ALDH2: variants seen among roughly 807,000 people sequenced by gnomAD.
ALDH2 encodes aldehyde dehydrogenase 2 family member, also known as aldehyde dehydrogenase, mitochondrial.
A neutral mutation model predicts 59.6 loss-of-function variants in ALDH2; 44 were observed. The observed-to-expected ratio is 0.74, with a 90% CI of 0.58 to 0.95. ALDH2 has a LOEUF of 0.95. Ranked by LOEUF, ALDH2 falls within the 40% of genes least tolerant of loss-of-function variation. ALDH2 has a pLI of 0.00. For missense variants in ALDH2, 570 were observed against 696.3 expected, an observed-to-expected ratio of 0.82 and a Z score of 2.04; for synonymous variants, 291 against 284.0, an observed-to-expected ratio of 1.02 and a Z score of -0.25.
rs75822349 is a variant in ALDH2 at position 111,792,211 on chromosome 12, A to G, written c.898+48A>G. 4,541 of 1,415,084 alleles carry G rather than the reference A, an allele frequency of 3.2e-3. 130 individuals are homozygous for G. In the African/African-American group the frequency reaches 0.057, roughly 18 times the overall value. The allele number at this position is 1,415,084 out of a possible 1,614,324, so 87.7% of individuals were successfully genotyped here. A position where few individuals can be genotyped will look rare whatever the true frequency, so the allele number is the denominator to read the frequency against. On this transcript the variant is annotated intron_variant, in intron 8 of 12. Transcript: ENST00000261733. ...CCTGGCCTTGAAGGTAGCCCTGGCCACCTGTGTTGTGGCTCCAGCCGATCC... is the reference window on the plus strand; with the variant it reads ...CCTGGCCTTGAAGGTAGCCCTGGCCGCCTGTGTTGTGGCTCCAGCCGATCC...
chr12:111,804,548 G>C (rs991288669), intron 12 of ALDH2, among the ~76,000 whole-genome samples: 3 of 152,164 alleles, frequency 2.0e-5, no homozygotes, highest in African/African-American at 4.8e-5. Context: ...AGGAGTTTGA[G>C]ACCAGCCTGA....
intron 1 of ALDH2, among the ~76,000 whole-genome samples, chr12:111,780,688 T>C (rs761826544): frequency 6.6e-6 from 1 of 152,206 alleles, no homozygotes; most frequent in Non-Finnish European, 1.5e-5. Context: ...TGAGGTGGTC[T>C]TCTGTGTTTG....
intron 12 of ALDH2, among the ~76,000 whole-genome samples, chr12:111,804,746 CAA>C (rs76471972): frequency 9.7e-5 from 6 of 61,572 alleles, no homozygotes; most frequent in Non-Finnish European, 1.7e-4. Flanking sequence ...GACTCCGTCT[CAA>C]AAAAAAAAAA....
intron 4 of ALDH2, 47 bp downstream of exon 4, chr12:111,785,393 G>T (rs538464024): frequency 6.5e-7 from 1 of 1,530,432 alleles, no homozygotes; most frequent in Admixed American, 1.7e-5. Context: ...GGGAAAAGGG[G>T]AGGCAACGTT....
intron 1 of ALDH2, among the ~76,000 whole-genome samples, chr12:111,771,359 T>C (rs1209646971): frequency 6.6e-6 from 1 of 152,118 alleles, no homozygotes; most frequent in African/African-American, 2.4e-5. Flanking sequence ...ATCTTGCCAC[T>C]GCACTCCATC....
Position 111,799,889 on chromosome 12 carries a change from C to T in ALDH2, c.1249-17C>T. ...CTCCGTGTTGCCGAACCCTCCTACGCTGCTCTCTCACTCCAGATCTTCGGG... is the reference window on the plus strand; with the variant it reads ...CTCCGTGTTGCCGAACCCTCCTACGTTGCTCTCTCACTCCAGATCTTCGGG... On this transcript the variant is annotated splice_polypyrimidine_tract_variant and intron_variant, in intron 10 of 12. Coordinates refer to ENST00000261733, the MANE Select transcript of ALDH2 (RefSeq NM_000690.4). 6.2e-7 allele frequency: 1 copy of T among 1,610,824 alleles called. No individual in the cohort carries two copies. The highest frequency in any genetic ancestry group is 8.5e-7 in the Non-Finnish European group (1 of 1,178,244).
chr12:111,781,965 C>A lies in ALDH2; in HGVS notation c.162C>A (p.Phe54Leu). 6.2e-7 allele frequency: 1 copy of A among 1,613,924 alleles called. No homozygotes were observed. Among genetic ancestry groups the A allele is most frequent in the Admixed American group, 1.7e-5 (1 of 60,008 alleles). Residue 54 changes from phenylalanine (F) to leucine (L), a missense_variant, in exon 2 of 13, where the codon TTC (phenylalanine) becomes TTA (leucine). Physicochemically the swap from Phe to Leu is conservative, Grantham distance 22. Transcript: ENST00000261733. ...EWHDAVSRKT[F>L]PTVNPSTGEV... ...ACGATGCCGTCAGCAGGAAAACATT[C>A]CCCACCGTCAATCCGTCCACTGGAG... is the stretch of plus-strand genomic sequence containing the variant.
chr12:111,808,286 T>C (rs2068512293), intron 12 of ALDH2, among the ~76,000 whole-genome samples: 2 of 152,216 alleles, frequency 1.3e-5, no homozygotes, highest in Non-Finnish European at 2.9e-5. Flanking sequence ...GGGTGCAAGA[T>C]TGCTTTTGGA....
rs2068421381 is a variant in ALDH2, at chr12:111,798,199, T to C, written c.1205T>C (p.Val402Ala). ...CGTGGTTACTTCATCCAGCCCACTG[T>C]GTTTGGAGATGTGCAGGATGGCATG... The part of the protein sequence containing the change: ...ADRGYFIQPT[V>A]FGDVQDGMTI... Residue 402 changes from valine to alanine, a missense_variant, in exon 10 of 13, where the codon GTG becomes GCG. Coordinates refer to ENST00000261733, the MANE Select transcript of ALDH2 (RefSeq NM_000690.4). 6.3e-7 allele frequency: 1 copy of C among 1,596,594 alleles called. No homozygotes were observed. Among genetic ancestry groups the C allele is most frequent in the African/African-American group, 1.3e-5 (1 of 74,714 alleles).
chr12:111,782,445 C>T (rs995141723), intron 2 of ALDH2, among the ~76,000 whole-genome samples: 1 of 152,218 alleles, frequency 6.6e-6, no homozygotes, highest in African/African-American at 2.4e-5. Flanking sequence ...TTTGGCCGGG[C>T]GCAGTGGCGC....
At chr12:111,806,319 G>GAA (rs946624016) in intron 12 of ALDH2, among the ~76,000 whole-genome samples, 9 of 128,066 alleles carry the variant, frequency 7.0e-5, no homozygotes, top group Non-Finnish European at 1.3e-4. Context: ...TCCGTCTCAG[G>GAA]AAAAAAAAAA....
intron 1 of ALDH2, among the ~76,000 whole-genome samples, chr12:111,781,595 G>A (rs1409660297): frequency 6.6e-6 from 1 of 152,174 alleles, no homozygotes; most frequent in African/African-American, 2.4e-5. Context: ...ACTCTACTGT[G>A]GGAGATAAGA....
chr12:111,785,368 T>G, intron 4 of ALDH2, 22 bp downstream of exon 4: 1 of 1,604,324 alleles, frequency 6.2e-7, no homozygotes, highest in South Asian at 1.1e-5. Context: ...GCTTTCCTGT[T>G]CTTTGTTCTG....
In ALDH2 at chr12:111,814,194, A is replaced by C. The variant is rs1303001483; in HGVS notation, c.*4619A>C. 6.6e-6 allele frequency: 1 copy of C among 152,076 alleles called. No homozygotes were observed. Among genetic ancestry groups the C allele is most frequent in the African/African-American group, 2.4e-5 (1 of 41,358 alleles). 9.4% of individuals were successfully genotyped at this position (152,076 alleles called of 1,614,324 possible). On this transcript the variant is annotated 3_prime_UTR_variant, in exon 13 of 13. Coordinates refer to ENST00000261733, the MANE Select transcript of ALDH2 (RefSeq NM_000690.4). ...AACCCCGTCTCTACTAAAAATACAA[A>C]AAATTAGCCAGGCGTGGTGGTGGGC...
intron 9 of ALDH2, among the ~76,000 whole-genome samples, chr12:111,797,512 G>A (rs1024797535): frequency 2.0e-5 from 3 of 151,740 alleles, no homozygotes; most frequent in African/African-American, 2.4e-5. Flanking sequence ...GAGGTGGGAG[G>A]ATCATTTGAG....
At chr12:111,798,714 T>C (rs189528812) in intron 10 of ALDH2, among the ~76,000 whole-genome samples, 3 of 152,166 alleles carry the variant, frequency 2.0e-5, no homozygotes, top group Admixed American at 2.0e-4. Context: ...TTAAAAAAAT[T>C]TTTTAGTACA....
Position 111,814,537 on chromosome 12 carries a change from CAAA to C in ALDH2, c.*4980_*4982del, listed in dbSNP as rs34634862. On this transcript the variant is annotated 3_prime_UTR_variant, in exon 13 of 13. Coordinates refer to ENST00000261733, the MANE Select transcript of ALDH2 (RefSeq NM_000690.4). ...CCTGGGTGACAGAACGAGACTGTCT[CAAA>C]AAAAAAAAAAAAAAAAAGTGGCCAG... The C allele has an allele frequency of 5.3e-5, 3 of 56,286 alleles. No individual in the cohort carries two copies. The highest frequency in any genetic ancestry group is 7.9e-5 in the Non-Finnish European group (2 of 25,294). The allele number at this position is 56,286 out of a possible 1,614,324, so 3.5% of individuals were successfully genotyped here. A position where few individuals can be genotyped will look rare whatever the true frequency, so the allele number is the denominator to read the frequency against.
rs773112716 is a variant in ALDH2, at chr12:111,792,128, G to A, written c.863G>A (p.Gly288Glu). ...AAGAGAGTGACCTTGGAGCTGGGGG[G>A]GAAGAGCCCCAACATCATCATGTCA... ...NLKRVTLELG[G>E]KSPNIIMSDA... Residue 288 changes from glycine to glutamate, a missense_variant, in exon 8 of 13, where the codon GGG becomes GAG. Physicochemically the swap from Gly to Glu is moderately conservative, Grantham distance 98. Coordinates refer to ENST00000261733, the MANE Select transcript of ALDH2 (RefSeq NM_000690.4). The A allele has an allele frequency of 1.9e-6, 3 of 1,607,564 alleles. No individual in the cohort carries two copies. The highest frequency in any genetic ancestry group is 1.7e-4 in the Middle Eastern group (1 of 6,048).
At chr12:111,796,344 TA>T (rs955899765) in intron 9 of ALDH2, among the ~76,000 whole-genome samples, 2 of 149,804 alleles carry the variant, frequency 1.3e-5, no homozygotes, top group Admixed American at 6.7e-5. Flanking sequence ...ATTTTTTTTT[TA>T]AAAAAAAGCA....
Sources: gnomAD v4.1 joint callset for allele counts (sites outside exome capture counted in the v4.1 genomes callset) on GRCh38, gnomAD v4.1.1 for gene constraint, MANE v1.5 for transcripts, NCBI Gene and HGNC (gene_info 2026-07-23, HGNC 2026-07-21) for gene names.